The following SSBP2 variants were observed in gnomAD, a reference collection of about 807,000 sequenced individuals.
SSBP2 encodes single-stranded DNA-binding protein 2.
A neutral mutation model predicts 61.8 loss-of-function variants in SSBP2; 17 were observed. The observed-to-expected ratio is 0.28, with a 90% CI of 0.19 to 0.41. SSBP2 has a LOEUF of 0.41. SSBP2 is among the 10% of genes least tolerant of loss of function. The probability of loss-of-function intolerance (pLI) is 1.00; values close to 1 mark genes in which losing one functional copy is unlikely to be tolerated. For missense variants in SSBP2, 310 were observed against 458.7 expected, an observed-to-expected ratio of 0.68 and a Z score of 2.96; for synonymous variants, 139 against 141.3, an observed-to-expected ratio of 0.98 and a Z score of 0.12.
intron 14 of SSBP2, among the ~76,000 whole-genome samples, chr5:81,439,038 G>A (rs1385140690): frequency 6.6e-6 from 1 of 152,146 alleles, no homozygotes; most frequent in African/African-American, 2.4e-5. Flanking sequence ...TGCAATCTAG[G>A]CAAAATAAGT....
chr5:81,551,062 C>G (rs1772143083), intron 4 of SSBP2, among the ~76,000 whole-genome samples: 1 of 142,892 alleles, frequency 7.0e-6, no homozygotes, highest in African/African-American at 2.7e-5. Context: ...CACCACTGCA[C>G]TCCACCCTGG....
At chr5:81,592,928 G>C (rs553534877) in intron 4 of SSBP2, among the ~76,000 whole-genome samples, 19 of 152,308 alleles carry the variant, frequency 1.2e-4, no homozygotes, top group African/African-American at 4.3e-4. Flanking sequence ...CTAAAAATCA[G>C]AGCGCCTCTC....
At chr5:81,597,652 C>T (rs372970578) in intron 4 of SSBP2, among the ~76,000 whole-genome samples, 10 of 152,096 alleles carry the variant, frequency 6.6e-5, no homozygotes, top group African/African-American at 1.4e-4. Flanking sequence ...ATGTGGCACA[C>T]ATACACCATG....
intron 1 of SSBP2, among the ~76,000 whole-genome samples, chr5:81,731,588 A>C (rs1380822829): frequency 1.3e-5 from 2 of 152,120 alleles, no homozygotes; most frequent in Non-Finnish European, 2.9e-5. Flanking sequence ...TACCCAAATA[A>C]AGTTCAATTA....
intron 1 of SSBP2, among the ~76,000 whole-genome samples, chr5:81,690,944 T>C (rs1255313620): frequency 2.0e-5 from 3 of 151,992 alleles, no homozygotes; most frequent in East Asian, 3.9e-4. Context: ...CACAGGTAAA[T>C]TGAACAAATG....
rs552455858 is a variant in SSBP2 at position 81,644,445 on chromosome 5, T to G, written c.135+5822A>C. The stretch of plus-strand genomic sequence containing the variant: ...CTGGAAGGATTCAGAAAAGGAAAAA[T>G]GAGAGAGGTTATGAGAAGTCAACAA... On this transcript the variant is annotated intron_variant, in intron 2 of 16. Coordinates refer to ENST00000320672, the MANE Select transcript of SSBP2 (RefSeq NM_012446.5). Among the ~76,000 whole-genome samples the G allele has an allele frequency of 2.6e-5, 4 of 151,882 alleles. No individual in the cohort carries two copies. In the East Asian group the frequency reaches 7.7e-4, roughly 29 times the overall value.
chr5:81,655,697 G>C (rs1290141345), intron 1 of SSBP2, among the ~76,000 whole-genome samples: 1 of 152,154 alleles, frequency 6.6e-6, no homozygotes, highest in Non-Finnish European at 1.5e-5. Context: ...AAAAGCCAAA[G>C]CCTGAGGTCA....
At chr5:81,667,498 A>C (rs1032283237) in intron 1 of SSBP2, among the ~76,000 whole-genome samples, 2 of 152,130 alleles carry the variant, frequency 1.3e-5, no homozygotes, top group Non-Finnish European at 2.9e-5. Context: ...ACTTAGTCCT[A>C]AAGTAAAGCT....
chr5:81,709,456 T>C (rs1685697621), intron 1 of SSBP2, among the ~76,000 whole-genome samples: 1 of 151,988 alleles, frequency 6.6e-6, no homozygotes, highest in Admixed American at 6.6e-5. Context: ...TCTCTACCTA[T>C]ATGCAGTTCC....
intron 4 of SSBP2, among the ~76,000 whole-genome samples, chr5:81,541,915 C>G (rs903798107): frequency 3.3e-5 from 5 of 152,176 alleles, no homozygotes; most frequent in Non-Finnish European, 7.4e-5. Flanking sequence ...CAAAAATTGA[C>G]AAGTGGAACC....
In SSBP2 at chr5:81,583,498, CA is replaced by C. The variant is rs1207633335; in HGVS notation, c.282+31974del. Among the ~76,000 whole-genome samples the C allele has an allele frequency of 2.0e-5, 3 of 152,110 alleles. No individual in the cohort carries two copies. In the East Asian group the frequency reaches 5.8e-4, roughly 30 times the overall value. ...CAAAAAAATTAGCTGGGCATGGTGG[CA>C]GGCGCCTGTAGTCCCAGCTACTGGA... On this transcript the variant is annotated intron_variant, in intron 4 of 16. Coordinates refer to ENST00000320672, the MANE Select transcript of SSBP2 (RefSeq NM_012446.5).
intron 10 of SSBP2, among the ~76,000 whole-genome samples, chr5:81,450,242 C>CA (rs756269926): frequency 2.0e-5 from 3 of 152,138 alleles, no homozygotes; most frequent in Non-Finnish European, 2.9e-5. Flanking sequence ...ACGCTGGTCT[C>CA]AAACTCCTGA....
chr5:81,490,650 GTT>G, intron 5 of SSBP2, among the ~76,000 whole-genome samples: 1 of 152,106 alleles, frequency 6.6e-6, no homozygotes, highest in Non-Finnish European at 1.5e-5. Flanking sequence ...GGCTACTCAG[GTT>G]TTCCAGAGCT....
chr5:81,592,032 G>A (rs145491189), intron 4 of SSBP2, among the ~76,000 whole-genome samples: 178 of 152,372 alleles, frequency 1.2e-3, no homozygotes, highest in South Asian at 2.1e-3. Context: ...GAAGCAGGGC[G>A]AGGCATCGCC....
intron 2 of SSBP2, among the ~76,000 whole-genome samples, chr5:81,641,049 A>T (rs1748738431): frequency 1.3e-5 from 2 of 152,208 alleles, no homozygotes; most frequent in African/African-American, 2.4e-5. Flanking sequence ...CTCAGTTAAA[A>T]GAACAATGTG....
chr5:81,453,328 G>C (rs984885185), intron 10 of SSBP2, among the ~76,000 whole-genome samples: 13 of 151,830 alleles, frequency 8.6e-5, no homozygotes, highest in Admixed American at 8.5e-4. Context: ...AAAAAAAAGA[G>C]ATAGAGAAAG....
chr5:81,532,704 A>C (rs1425736092), intron 4 of SSBP2, among the ~76,000 whole-genome samples: 2 of 151,974 alleles, frequency 1.3e-5, no homozygotes, highest in Admixed American at 1.3e-4. Flanking sequence ...ATAGAAAAGA[A>C]TATACCTGCA....
At chr5:81,660,333 A>G (rs1750582022) in intron 1 of SSBP2, among the ~76,000 whole-genome samples, 1 of 152,076 alleles carries the variant, frequency 6.6e-6, no homozygotes, top group Non-Finnish European at 1.5e-5. Flanking sequence ...AAAACGAACA[A>G]CCCCATCAAA....
At chr5:81,458,502 T>C (rs956491211) in intron 10 of SSBP2, among the ~76,000 whole-genome samples, 7 of 152,226 alleles carry the variant, frequency 4.6e-5, no homozygotes, top group African/African-American at 1.7e-4. Context: ...GGAAATTCTT[T>C]GTAGTATTCT....
Sources: allele counts gnomAD v4.1 joint callset (sites outside exome capture counted in the v4.1 genomes callset), GRCh38; gene constraint gnomAD v4.1.1; transcripts MANE v1.5; gene names NCBI Gene and HGNC (gene_info 2026-07-23, HGNC 2026-07-21).